The following AP4E1 variants were observed in gnomAD, a reference collection of about 807,000 sequenced individuals.
The protein encoded by AP4E1 is AP-4 complex subunit epsilon-1.
A neutral mutation model predicts 128.2 loss-of-function variants in AP4E1; 56 were observed. That is an observed-to-expected ratio of 0.44 (90% CI 0.35 to 0.55). The LOEUF (loss-of-function observed/expected upper bound fraction) is 0.55, where lower values mean the gene tolerates loss of function less well. Ranked by LOEUF, AP4E1 falls within the 20% of genes least tolerant of loss-of-function variation. The pLI is 0.00. For missense variants in AP4E1, 1,324 were observed against 1,307.7 expected, an observed-to-expected ratio of 1.01 and a Z score of -0.19; for synonymous variants, 484 against 473.1, an observed-to-expected ratio of 1.02 and a Z score of -0.30.
At chr15:50,997,219 A>G in intron 17 of AP4E1, 107 bp from the exon 18 acceptor site, 3 of 1,008,132 alleles carry the variant, frequency 3.0e-6, no homozygotes, top group Non-Finnish European at 4.2e-6. Context: ...TTATAGATAG[A>G]ACCTTAGCAA....
rs1567230445 is a variant in AP4E1, at chr15:50,949,699, T to C, written c.1317-127T>C. 1.9e-5 allele frequency: 14 copies of C among 734,624 alleles called. No homozygotes were observed. The South Asian group carries it at 1.9e-4, about 10-fold the overall frequency. 45.5% of individuals were successfully genotyped at this position (734,624 alleles called of 1,614,324 possible). A position where few individuals can be genotyped will look rare whatever the true frequency, so the allele number is the denominator to read the frequency against. ...TAAAACTGGGGTACAGAACAATTTA[T>C]GGCAGAGGTTAAAGGTAAAACTGCC... is the stretch of plus-strand genomic sequence containing the variant. On this transcript the variant is annotated intron_variant, in intron 11 of 20. Transcript: ENST00000261842.
intron 15 of AP4E1, among the ~76,000 whole-genome samples, chr15:50,972,092 G>A (rs147318199): frequency 2.8e-4 from 42 of 152,202 alleles, no homozygotes; most frequent in African/African-American, 1.0e-3. Flanking sequence ...TTTATGTAGT[G>A]CAGTTTAAAG....
intron 19 of AP4E1, among the ~76,000 whole-genome samples, chr15:51,000,285 G>C (rs1156332565): frequency 1.3e-5 from 2 of 151,852 alleles, no homozygotes; most frequent in East Asian, 3.9e-4. Context: ...GGGACTACAG[G>C]AATATGTCAC....
At chr15:50,962,193 A>C (rs1309334680) in intron 14 of AP4E1, among the ~76,000 whole-genome samples, 2 of 152,064 alleles carry the variant, frequency 1.3e-5, no homozygotes, top group Admixed American at 6.6e-5. Context: ...TACTACTCAA[A>C]CCAATCTACA....
Position 50,939,425 on chromosome 15 carries a change from C to CA in AP4E1, c.944-2004dup, listed in dbSNP as rs746927898. On this transcript the variant is annotated intron_variant, in intron 8 of 20. Coordinates refer to ENST00000261842, the MANE Select transcript of AP4E1 (RefSeq NM_007347.5). ...GGGGTGGAGGTTGCAGACTGCATCT[C>CA]AAAAAAAAAAAAAGAAATTCTCAGT... 1.1e-3 allele frequency among the ~76,000 whole-genome samples: 144 copies of CA among 126,696 alleles called. 1 individual carries two copies. The highest frequency in any genetic ancestry group is 5.7e-3 in the South Asian group (23 of 4,000). 83.1% of individuals were successfully genotyped at this position (126,696 alleles called of 152,430 possible).
chr15:50,977,620 A>G (rs2064569534), intron 15 of AP4E1, among the ~76,000 whole-genome samples: 1 of 152,102 alleles, frequency 6.6e-6, no homozygotes, highest in Non-Finnish European at 1.5e-5. Flanking sequence ...GGGGTTGGCT[A>G]TAAGACAAAA....
At chr15:50,967,780 A>G (rs1163026576) in intron 14 of AP4E1, among the ~76,000 whole-genome samples, 1 of 152,208 alleles carries the variant, frequency 6.6e-6, no homozygotes, top group African/African-American at 2.4e-5. Context: ...CTGATTATAG[A>G]TGTTTCAGAA....
At chr15:50,961,032 G>A (rs185185766) in intron 14 of AP4E1, among the ~76,000 whole-genome samples, 4 of 152,094 alleles carry the variant, frequency 2.6e-5, no homozygotes, top group Admixed American at 6.5e-5. Context: ...TGATGGAAAC[G>A]AATAAATTCC....
upstream of AP4E1, chr15:50,908,523 C>T (rs1029895901): frequency 7.2e-6 from 3 of 415,274 alleles, no homozygotes; most frequent in African/African-American, 2.1e-5. Context: ...GGAACCGCTA[C>T]CCCGTCGCGA....
chr15:50,969,825 A>AT (rs1021959414), intron 15 of AP4E1, among the ~76,000 whole-genome samples: 13 of 151,464 alleles, frequency 8.6e-5, no homozygotes, highest in Admixed American at 7.9e-4. Flanking sequence ...CGCCCAGCTA[A>AT]TTTTTTTGTA....
intron 14 of AP4E1, among the ~76,000 whole-genome samples, chr15:50,964,955 C>CCACCCA (rs1555459130): frequency 7.6e-6 from 1 of 131,370 alleles, no homozygotes; most frequent in Non-Finnish European, 1.6e-5. Context: ...CCTCCCCCTA[C>CCACCCA]CACACACACA....
chr15:50,920,415 C>CTT (rs551604377), intron 3 of AP4E1, among the ~76,000 whole-genome samples: 35 of 139,752 alleles, frequency 2.5e-4, no homozygotes, highest in Admixed American at 5.0e-4. Context: ...GCCCGGCCTT[C>CTT]TTTTTTTTTT....
At chr15:50,964,777 T>C (rs551155816) in intron 14 of AP4E1, among the ~76,000 whole-genome samples, 2 of 152,278 alleles carry the variant, frequency 1.3e-5, no homozygotes, top group East Asian at 3.9e-4. Context: ...AGTGGTGATA[T>C]GGTTTGGATC....
chr15:50,988,981 A>C (rs2064767640), intron 16 of AP4E1, among the ~76,000 whole-genome samples: 1 of 152,224 alleles, frequency 6.6e-6, no homozygotes, highest in African/African-American at 2.4e-5. Context: ...AATTAAGTGA[A>C]TAAAATGAGA....
At chr15:50,928,273 A>T (rs1187704774) in intron 5 of AP4E1, among the ~76,000 whole-genome samples, 1 of 152,056 alleles carries the variant, frequency 6.6e-6, no homozygotes, top group Non-Finnish European at 1.5e-5. Context: ...GAGAATGTTA[A>T]CGAGTTTTTT....
chr15:50,916,557 G>A (rs886268581), intron 3 of AP4E1, among the ~76,000 whole-genome samples: 2 of 152,182 alleles, frequency 1.3e-5, no homozygotes, highest in South Asian at 2.1e-4. Context: ...ATGTCATGTC[G>A]TTAAGGACTA....
intron 15 of AP4E1, among the ~76,000 whole-genome samples, chr15:50,971,983 T>A (rs994889758): frequency 2.0e-5 from 3 of 152,184 alleles, no homozygotes; most frequent in Non-Finnish European, 4.4e-5. Context: ...TACTAGAAAT[T>A]TATTATTTTC....
At chr15:50,987,808 A>T (rs571476509) in intron 16 of AP4E1, among the ~76,000 whole-genome samples, 63 of 152,190 alleles carry the variant, frequency 4.1e-4, no homozygotes, top group Non-Finnish European at 7.6e-4. Context: ...TTAAAAGCTA[A>T]ATTGTATGGG....
intron 13 of AP4E1, among the ~76,000 whole-genome samples, chr15:50,955,989 A>G (rs2064217731): frequency 6.6e-6 from 1 of 152,174 alleles, no homozygotes; most frequent in African/African-American, 2.4e-5. Context: ...ACTAGAGGGC[A>G]GGCTCCTGTT....
Sources: allele counts gnomAD v4.1 joint callset (sites outside exome capture counted in the v4.1 genomes callset), GRCh38; gene constraint gnomAD v4.1.1; transcripts MANE v1.5; gene names NCBI Gene and HGNC (gene_info 2026-07-23, HGNC 2026-07-21).